Variants in ADGRL2 observed in about 807,000 individuals in gnomAD.
The protein encoded by ADGRL2 is calcium-independent alpha-latrotoxin receptor 2.
ADGRL2 carries 44 observed loss-of-function variants against 157.4 expected under a neutral mutation model. That is an observed-to-expected ratio of 0.28 (90% CI 0.22 to 0.36). ADGRL2 has a LOEUF of 0.36. Among genes scored for constraint, ADGRL2 ranks in the 10% least tolerant of loss-of-function variants. ADGRL2 has a pLI of 1.00. For synonymous variants in ADGRL2, 585 were observed against 624.7 expected, an observed-to-expected ratio of 0.94 and a Z score of 0.95; for missense variants, 1,510 against 1,768.9, an observed-to-expected ratio of 0.85 and a Z score of 2.63.
intron 3 of ADGRL2, among the ~76,000 whole-genome samples, chr1:81,591,190 T>C (rs2081125073): frequency 6.6e-6 from 1 of 152,212 alleles, no homozygotes; most frequent in Admixed American, 6.5e-5. Context: ...AAGCTTTCTC[T>C]TCCAACAAGA....
chr1:81,818,883 CTA>C (rs1453566271), intron 1 of ADGRL2, among the ~76,000 whole-genome samples: 2 of 151,984 alleles, frequency 1.3e-5, no homozygotes, highest in African/African-American at 4.8e-5. Flanking sequence ...GGATTGTAGG[CTA>C]TATAGTCTTT....
intron 2 of ADGRL2, among the ~76,000 whole-genome samples, chr1:81,902,617 G>C (rs1342726696): frequency 6.6e-6 from 1 of 151,776 alleles, no homozygotes; most frequent in Non-Finnish European, 1.5e-5. Context: ...GAAAACAAAG[G>C]GTGGGGGGCA....
chr1:81,486,935 G>A (rs960521906), intron 2 of ADGRL2, among the ~76,000 whole-genome samples: 1 of 151,930 alleles, frequency 6.6e-6, no homozygotes, highest in East Asian at 1.9e-4. Context: ...TAATGAGCAG[G>A]CTACTTGTAT....
intron 2 of ADGRL2, among the ~76,000 whole-genome samples, chr1:81,559,081 T>G (rs2148440884): frequency 6.6e-6 from 1 of 152,282 alleles, no homozygotes; most frequent in Middle Eastern, 3.4e-3. Flanking sequence ...GTAAGGAGAC[T>G]TAGATTTGGT....
chr1:81,505,364 C>T (rs1339806593), intron 2 of ADGRL2, among the ~76,000 whole-genome samples: 1 of 151,020 alleles, frequency 6.6e-6, no homozygotes, highest in African/African-American at 2.5e-5. Context: ...GACATTTGGC[C>T]AGTATGTCTT....
intron 1 of ADGRL2, among the ~76,000 whole-genome samples, chr1:81,814,274 T>C (rs988153621): frequency 2.6e-5 from 4 of 151,682 alleles, no homozygotes; most frequent in Non-Finnish European, 4.4e-5. Flanking sequence ...TAGATGTGTA[T>C]ATATTAATTG....
At chr1:81,933,879 CA>C (rs1478625812) in intron 3 of ADGRL2, among the ~76,000 whole-genome samples, 1 of 152,060 alleles carries the variant, frequency 6.6e-6, no homozygotes, top group Non-Finnish European at 1.5e-5. Context: ...GTACTTTTTA[CA>C]GTTGGATTTC....
At chr1:81,334,393 C>T (rs1661488577) in intron 1 of ADGRL2, among the ~76,000 whole-genome samples, 1 of 152,186 alleles carries the variant, frequency 6.6e-6, no homozygotes, top group East Asian at 1.9e-4. Flanking sequence ...ATCCAGTCTT[C>T]CTGTCATATT....
chr1:81,989,779 G>C, intron 23 of ADGRL2: 1 of 1,557,866 alleles, frequency 6.4e-7, no homozygotes, highest in East Asian at 2.3e-5. Context: ...CAGTCAGTAT[G>C]AGAGATGGCT....
chr1:81,324,708 A>AG (rs1484444580), intron 1 of ADGRL2, among the ~76,000 whole-genome samples: 1 of 151,974 alleles, frequency 6.6e-6, no homozygotes, highest in Non-Finnish European at 1.5e-5. Flanking sequence ...CCCTGAGCTA[A>AG]GGGGGAGGTG....
intron 2 of ADGRL2, among the ~76,000 whole-genome samples, chr1:81,544,509 G>A (rs2079966025): frequency 1.3e-5 from 2 of 152,218 alleles, no homozygotes; most frequent in Admixed American, 1.3e-4. Flanking sequence ...TTAATATCTG[G>A]TAAAAAGAAG....
At chr1:81,624,076 A>G (rs1398314018) in intron 3 of ADGRL2, among the ~76,000 whole-genome samples, 2 of 152,098 alleles carry the variant, frequency 1.3e-5, no homozygotes, top group Admixed American at 6.5e-5. Context: ...GACCATCCAA[A>G]ACAACCAGAA....
intron 3 of ADGRL2, among the ~76,000 whole-genome samples, chr1:81,661,190 T>A (rs2082642714): frequency 6.6e-6 from 1 of 152,200 alleles, no homozygotes; most frequent in South Asian, 2.1e-4. Context: ...ATAAGCATTT[T>A]TTTTATTAAT....
At chr1:81,384,650 C>T (rs957177604) in intron 1 of ADGRL2, among the ~76,000 whole-genome samples, 2 of 152,066 alleles carry the variant, frequency 1.3e-5, no homozygotes, top group Non-Finnish European at 2.9e-5. Flanking sequence ...TAATTTTATA[C>T]ATCATGTGTT....
At chr1:81,568,189 G>A (rs1443712385) in intron 2 of ADGRL2, among the ~76,000 whole-genome samples, 1 of 152,002 alleles carries the variant, frequency 6.6e-6, no homozygotes, top group Non-Finnish European at 1.5e-5. Context: ...AAAACTGAAG[G>A]AATGGCTTTT....
At chr1:81,690,505 A>G (rs1458059823) in intron 3 of ADGRL2, among the ~76,000 whole-genome samples, 1 of 152,188 alleles carries the variant, frequency 6.6e-6, no homozygotes, top group Non-Finnish European at 1.5e-5. Flanking sequence ...CAAGAAAAGA[A>G]GACTGTAAAA....
At chr1:81,505,605 C>T (rs1452479791) in intron 2 of ADGRL2, among the ~76,000 whole-genome samples, 1 of 150,950 alleles carries the variant, frequency 6.6e-6, no homozygotes, top group African/African-American at 2.5e-5. Context: ...CCAAGCAGAG[C>T]TTCCCCTGAA....
upstream of ADGRL2, chr1:81,800,405 A>G (rs1412418018): frequency 6.6e-6 from 1 of 152,126 alleles, no homozygotes; most frequent in Non-Finnish European, 1.5e-5. Context: ...CGCGGCGAAC[A>G]GACGTTCTTT....
Position 81,546,950 on chromosome 1 carries a change from T to C in ADGRL2, c.-247-33926T>C, listed in dbSNP as rs76664214. 6.3e-3 allele frequency among the ~76,000 whole-genome samples: 962 copies of C among 152,326 alleles called. 11 individuals carry two copies. The highest frequency in any genetic ancestry group is 0.022 in the African/African-American group (932 of 41,574). ...TGCCTTTAGTGATATTCATTCATGT[T>C]TTGTTCACTCAATTCTTACAGTGTT... On this transcript the variant is annotated intron_variant, in intron 2 of 24. Transcript: ENST00000370721.
Sources: allele counts gnomAD v4.1 joint callset (sites outside exome capture counted in the v4.1 genomes callset), GRCh38; gene constraint gnomAD v4.1.1; transcripts MANE v1.5; gene names NCBI Gene and HGNC (gene_info 2026-07-23, HGNC 2026-07-21).